Variants in KIAA1328 observed in about 807,000 individuals in gnomAD.
The protein encoded by KIAA1328 is KIAA1328, also known as protein hinderin.
A neutral mutation model predicts 68.1 loss-of-function variants in KIAA1328; 52 were observed. The ratio of observed to expected loss-of-function variants is 0.76; its 90% confidence interval spans 0.61 to 0.96. The LOEUF (loss-of-function observed/expected upper bound fraction) is 0.96. Ranked by LOEUF, KIAA1328 falls within the 40% of genes least tolerant of loss-of-function variation. The pLI is 0.00. For synonymous variants in KIAA1328, 232 were observed against 239.4 expected (o/e 0.97, Z 0.28); for missense variants, 641 against 677.6 (o/e 0.95, Z 0.60).
chr18:36,945,971 A>G (rs377105207), intron 5 of KIAA1328, among the ~76,000 whole-genome samples: 9 of 152,212 alleles, frequency 5.9e-5, no homozygotes, highest in African/African-American at 1.2e-4. Flanking sequence ...TTTGCAATAT[A>G]CTTACCAGTT....
At chr18:36,873,863 G>A (rs1472659941) in intron 4 of KIAA1328, among the ~76,000 whole-genome samples, 1 of 152,086 alleles carries the variant, frequency 6.6e-6, no homozygotes, top group African/African-American at 2.4e-5. Flanking sequence ...ACAGGCCACA[G>A]TGTGTGATGT....
At chr18:37,199,084 T>A (rs528695935) in intron 9 of KIAA1328, among the ~76,000 whole-genome samples, 1 of 152,176 alleles carries the variant, frequency 6.6e-6, no homozygotes, top group Non-Finnish European at 1.5e-5. Context: ...ACAGAGGACA[T>A]GTTTTTTGTT....
intron 7 of KIAA1328, among the ~76,000 whole-genome samples, chr18:37,138,450 G>T (rs1355898554): frequency 6.6e-6 from 1 of 152,072 alleles, no homozygotes; most frequent in Non-Finnish European, 1.5e-5. Flanking sequence ...TCTATCTATT[G>T]TTGTCCAGAG....
intron 7 of KIAA1328, among the ~76,000 whole-genome samples, chr18:37,098,547 T>G (rs2057489451): frequency 2.6e-5 from 4 of 152,186 alleles, no homozygotes; most frequent in African/African-American, 9.7e-5. Flanking sequence ...TTTTTTGTTG[T>G]GTCTCTGCCA....
intron 7 of KIAA1328, among the ~76,000 whole-genome samples, chr18:37,149,611 G>T (rs992739345): frequency 6.6e-6 from 1 of 152,190 alleles, no homozygotes; most frequent in East Asian, 1.9e-4. Context: ...TAACACTATG[G>T]TAAGTATTTG....
At chr18:37,115,550 C>T (rs2058081433) in intron 7 of KIAA1328, among the ~76,000 whole-genome samples, 1 of 152,252 alleles carries the variant, frequency 6.6e-6, no homozygotes, top group South Asian at 2.1e-4. Context: ...AAACCCACAG[C>T]CAATATCATA....
chr18:37,002,073 G>A (rs2053604327), intron 6 of KIAA1328, among the ~76,000 whole-genome samples: 1 of 151,928 alleles, frequency 6.6e-6, no homozygotes, highest in Non-Finnish European at 1.5e-5. Flanking sequence ...TTGTTCCTTG[G>A]TAGTGCTGAT....
At chr18:36,912,222 T>A (rs1348760484) in intron 5 of KIAA1328, among the ~76,000 whole-genome samples, 1 of 152,054 alleles carries the variant, frequency 6.6e-6, no homozygotes, top group Non-Finnish European at 1.5e-5. Flanking sequence ...GTTCTGGAGG[T>A]CAGAAATCCA....
At chr18:37,212,244 A>G (rs937213868) in intron 9 of KIAA1328, among the ~76,000 whole-genome samples, 2 of 152,238 alleles carry the variant, frequency 1.3e-5, no homozygotes, top group African/African-American at 4.8e-5. Flanking sequence ...CATAGAAACC[A>G]TTGTTTTGAA....
chr18:37,033,769 G>T (rs2054922931), intron 6 of KIAA1328, among the ~76,000 whole-genome samples: 1 of 152,096 alleles, frequency 6.6e-6, no homozygotes, highest in African/African-American at 2.4e-5. Context: ...CAACCTCCCG[G>T]AACTCTGCAG....
At chr18:37,078,548 C>T (rs1384983169) in intron 7 of KIAA1328, among the ~76,000 whole-genome samples, 1 of 146,994 alleles carries the variant, frequency 6.8e-6, no homozygotes, top group Admixed American at 6.8e-5. Flanking sequence ...AGGCAACCTA[C>T]AAAATGGGAG....
chr18:36,839,189 A>C (rs1010098354), intron 3 of KIAA1328, among the ~76,000 whole-genome samples: 1 of 152,190 alleles, frequency 6.6e-6, no homozygotes, highest in African/African-American at 2.4e-5. Flanking sequence ...TTAGTTGCAC[A>C]AATACTAGGC....
chr18:37,153,607 C>G (rs2059087051), intron 7 of KIAA1328, among the ~76,000 whole-genome samples: 1 of 143,994 alleles, frequency 6.9e-6, no homozygotes, highest in Non-Finnish European at 1.5e-5. Flanking sequence ...GACTTGGGAG[C>G]TGTGGCAATC....
At chr18:37,073,759 G>A (rs2056613569) in intron 7 of KIAA1328, among the ~76,000 whole-genome samples, 1 of 152,102 alleles carries the variant, frequency 6.6e-6, no homozygotes, top group South Asian at 2.1e-4. Context: ...GAGACTTGCT[G>A]TTCTTTTCCT....
intron 6 of KIAA1328, among the ~76,000 whole-genome samples, chr18:37,007,733 T>C (rs146793411): frequency 6.6e-6 from 1 of 152,138 alleles, no homozygotes; most frequent in African/African-American, 2.4e-5. Flanking sequence ...GCAAGAAAGA[T>C]AATTCAAAAT....
intron 5 of KIAA1328, among the ~76,000 whole-genome samples, chr18:36,914,953 A>G (rs2151085723): frequency 6.6e-6 from 1 of 152,364 alleles, no homozygotes; most frequent in African/African-American, 2.4e-5. Context: ...AAGATTCAAC[A>G]TAGTGAAGAT....
chr18:36,974,106 T>G (rs541452793), intron 6 of KIAA1328, among the ~76,000 whole-genome samples: 1 of 152,198 alleles, frequency 6.6e-6, no homozygotes, highest in South Asian at 2.1e-4. Flanking sequence ...GGTTGTTTGC[T>G]CTTATATCTG....
At position 36,974,986 on chromosome 18, in the gene KIAA1328, A is replaced by G. The variant is rs968334637; in HGVS notation, c.576+15551A>G. 4.6e-5 allele frequency among the ~76,000 whole-genome samples: 7 copies of G among 152,128 alleles called. No individual in the cohort carries two copies. In the South Asian group the frequency reaches 1.2e-3, roughly 27 times the overall value. On this transcript the variant is annotated intron_variant, in intron 6 of 9. Transcript: ENST00000280020. ...TGGAACCAGTTCTATCGGTCATGGT[A>G]TATAAACAGCCAGATTAGTAGTACT...
In KIAA1328 at chr18:37,225,230, A is replaced by G; in HGVS notation, c.*3003A>G. 1 of 985,376 alleles carries G rather than the reference A, an allele frequency of 1.0e-6. No individual in the cohort carries two copies. Among genetic ancestry groups the G allele is most frequent in the Non-Finnish European group, 1.2e-6 (1 of 829,918 alleles). 61.0% of individuals were successfully genotyped at this position (985,376 alleles called of 1,614,324 possible). On this transcript the variant is annotated 3_prime_UTR_variant, in exon 10 of 10. Transcript: ENST00000280020. ...TGGAGGCTGTGGCGGACTCCTTCCAACTCACGATTTATCCTCAGCTCAGAG... is the reference window on the plus strand; with the variant it reads ...TGGAGGCTGTGGCGGACTCCTTCCAGCTCACGATTTATCCTCAGCTCAGAG...
Sources: gnomAD v4.1 joint callset for allele counts (sites outside exome capture counted in the v4.1 genomes callset) on GRCh38, gnomAD v4.1.1 for gene constraint, MANE v1.5 for transcripts, NCBI Gene and HGNC (gene_info 2026-07-23, HGNC 2026-07-21) for gene names.